Variants in ZNF440 observed in about 807,000 individuals in gnomAD.
ZNF440 encodes zinc finger protein 440.
A neutral mutation model predicts 49.7 loss-of-function variants in ZNF440; 47 were observed. The ratio of observed to expected loss-of-function variants is 0.95; its 90% CI spans 0.75 to 1.21. The LOEUF (loss-of-function observed/expected upper bound fraction) is 1.21, where lower values mean the gene tolerates loss of function less well. Among genes scored for constraint, ZNF440 ranks in the 50% most tolerant of loss-of-function variants. The pLI, the probability that ZNF440 is intolerant of heterozygous loss-of-function variation, is 0.00. For missense variants in ZNF440, 703 were observed against 715.0 expected (o/e 0.98, Z 0.19); for synonymous variants, 255 against 237.7 (o/e 1.07, Z -0.67).
At chr19:11,821,177 G>A (rs1599290375) in intron 1 of ZNF440, among the ~76,000 whole-genome samples, 1 of 152,100 alleles carries the variant, frequency 6.6e-6, no homozygotes, top group African/African-American at 2.4e-5. Flanking sequence ...TCTTGGTCCT[G>A]GGTGGCAGAA....
chr19:11,819,001 A>G (rs886563818), intron 1 of ZNF440, among the ~76,000 whole-genome samples: 2 of 152,124 alleles, frequency 1.3e-5, no homozygotes, highest in African/African-American at 4.8e-5. Flanking sequence ...AAGTTAGTCT[A>G]CTACAGAGAT....
chr19:11,831,506 G>A lies in ZNF440; in HGVS notation c.330G>A (p.Val110=). ...SPEVKSCESF[V]CGEVGLGNSS... is the part of the protein sequence containing the mutation. ...AAGTAAAATCATGTGAAAGCTTTGT[G>A]TGTGGAGAAGTTGGCCTAGGTAACT... is the stretch of plus-strand genomic sequence containing the variant. Residue 110 remains valine (V), a synonymous_variant, in exon 4 of 4, where the codon GTG becomes GTA. Coordinates refer to ENST00000304060, the MANE Select transcript of ZNF440 (RefSeq NM_152357.3). The A allele has an allele frequency of 6.2e-7, 1 of 1,614,024 alleles. No homozygotes were observed. The highest frequency in any genetic ancestry group is 8.5e-7 in the Non-Finnish European group (1 of 1,179,926).
chr19:11,832,025 T>G lies in ZNF440; in HGVS notation c.849T>G (p.Ala283=). 1 of 1,614,064 alleles carries G rather than the reference T, an allele frequency of 6.2e-7. No homozygotes were observed. Among genetic ancestry groups the G allele is most frequent in the South Asian group, 1.1e-5 (1 of 91,082 alleles). ...AAAGGATTCACATGGGAGAAAAGGC[T>G]TATCAATGTAAGGAATGTGGAAAAG... ...RHERIHMGEK[A]YQCKECGKAF... The change falls in exon 4 of 4, where the codon GCT becomes GCG. Residue 283 remains alanine, a synonymous_variant. Coordinates refer to ENST00000304060, the MANE Select transcript of ZNF440 (RefSeq NM_152357.3).
rs867985194 is a variant in ZNF440 at position 11,830,616 on chromosome 19, G to A, written c.131-1G>A. 71 of 1,613,102 alleles carry A rather than the reference G, an allele frequency of 4.4e-5. No homozygotes were observed. The highest frequency in any genetic ancestry group is 5.8e-5 in the Non-Finnish European group (68 of 1,179,806). On this transcript the variant is annotated splice_acceptor_variant, in intron 2 of 3. Transcript: ENST00000304060. LOFTEE classifies it high-confidence loss of function. Reference sequence around the variant, plus strand: ...CTATTTTTTCTGTGTCTGTATTTTAGGAAAAAGGTGGAAAGACCAGAACAT... The same window carrying A: ...CTATTTTTTCTGTGTCTGTATTTTAAGAAAAAGGTGGAAAGACCAGAACAT...
rs1062258 is a variant in ZNF440, at chr19:11,833,585, A to G, written c.*621A>G. On this transcript the variant is annotated 3_prime_UTR_variant, in exon 4 of 4. Transcript: ENST00000304060. ...GGGAGAAACCCTATCAATGTAAGCAATGTGCAAAAGCCTTTATTTCTTCCA... is the reference window on the plus strand; with the variant it reads ...GGGAGAAACCCTATCAATGTAAGCAGTGTGCAAAAGCCTTTATTTCTTCCA... The G allele has an allele frequency of 9.8e-6, 3 of 307,372 alleles. No individual in the cohort carries two copies. The East Asian group carries it at 2.7e-4, about 28-fold the overall frequency. The allele number at this position is 307,372 out of a possible 1,614,324, so 19.0% of individuals were successfully genotyped here. A position where few individuals can be genotyped will look rare whatever the true frequency, so the allele number is the denominator to read the frequency against.
intron 3 of ZNF440, among the ~76,000 whole-genome samples, 192 bp downstream of exon 3, chr19:11,830,869 G>T (rs1975928314): frequency 6.6e-6 from 1 of 152,190 alleles, no homozygotes; most frequent in Non-Finnish European, 1.5e-5. Context: ...AATCCTTTGA[G>T]AAGTGGAGAT....
chr19:11,816,478 T>C (rs1975733695), intron 1 of ZNF440: 1 of 152,342 alleles, frequency 6.6e-6, no homozygotes, highest in South Asian at 2.1e-4. Flanking sequence ...TTTACATGAA[T>C]GTGCGTCAGT....
At chr19:11,817,269 G>C (rs1422969841) in intron 1 of ZNF440, 1 of 152,278 alleles carries the variant, frequency 6.6e-6, no homozygotes, top group East Asian at 1.9e-4. Flanking sequence ...AATTCAAGAC[G>C]AGTCGGAAAG....
At position 11,830,619 on chromosome 19, in the gene ZNF440, A is replaced by T. The variant is rs749804400; in HGVS notation, c.133A>T (p.Lys45Ter). Residue 45 changes from lysine (K) to a stop codon, truncating the protein, a stop_gained and splice_region_variant, in exon 3 of 4, where the codon AAA becomes TAA. Coordinates refer to ENST00000304060, the MANE Select transcript of ZNF440 (RefSeq NM_152357.3). LOFTEE classifies it high-confidence loss of function. ...ETFRNLTSLG[K>*]RWKDQNIEYE... ...TTTTTTCTGTGTCTGTATTTTAGGA[A>T]AAAGGTGGAAAGACCAGAACATTGA... The T allele has an allele frequency of 1.2e-6, 2 of 1,613,682 alleles. No individual in the cohort carries two copies. Among genetic ancestry groups the T allele is most frequent in the East Asian group, 4.5e-5 (2 of 44,864 alleles).
Position 11,831,504 on chromosome 19 carries a change from G to T in ZNF440, c.328G>T (p.Val110Leu), listed in dbSNP as rs1280086346. ...SPEVKSCESF[V>L]CGEVGLGNSS... is the part of the protein sequence containing the mutation. ...TGAAGTAAAATCATGTGAAAGCTTT[G>T]TGTGTGGAGAAGTTGGCCTAGGTAA... The change falls in exon 4 of 4, where the codon GTG becomes TTG. Residue 110 changes from valine to leucine, a missense_variant. By Grantham distance (32) the Val-to-Leu change is conservative. Coordinates refer to ENST00000304060, the MANE Select transcript of ZNF440 (RefSeq NM_152357.3). The T allele has an allele frequency of 2.5e-6, 4 of 1,614,024 alleles. No individual in the cohort carries two copies. The highest frequency in any genetic ancestry group is 3.4e-6 in the Non-Finnish European group (4 of 1,179,920).
intron 1 of ZNF440, among the ~76,000 whole-genome samples, chr19:11,818,716 T>C (rs1285974608): frequency 2.0e-5 from 3 of 152,072 alleles, no homozygotes; most frequent in Non-Finnish European, 4.4e-5. Context: ...AATTTTTTAT[T>C]TTTTACAGAG....
At position 11,830,615 on chromosome 19, in the gene ZNF440, A is replaced by G. The variant is rs1975924513; in HGVS notation, c.131-2A>G. 1.2e-6 allele frequency: 2 copies of G among 1,613,374 alleles called. No homozygotes were observed. Among genetic ancestry groups the G allele is most frequent in the Non-Finnish European group, 1.7e-6 (2 of 1,179,878 alleles). On this transcript the variant is annotated splice_acceptor_variant, in intron 2 of 3. Coordinates refer to ENST00000304060, the MANE Select transcript of ZNF440 (RefSeq NM_152357.3). LOFTEE classifies it high-confidence loss of function. ...ACTATTTTTTCTGTGTCTGTATTTT[A>G]GGAAAAAGGTGGAAAGACCAGAACA...
chr19:11,831,677 T>C lies in ZNF440; in HGVS notation c.501T>C (p.Thr167=), dbSNP rs369098092. ...TTAGAACACAAGAAAGGGATCACAC[T>C]GGAGAGAAACCCAATGCTTGTAAAG... ...PSFRTQERDH[T]GEKPNACKVC... Residue 167 remains threonine, a synonymous_variant, in exon 4 of 4, where the codon ACT becomes ACC. Coordinates refer to ENST00000304060, the MANE Select transcript of ZNF440 (RefSeq NM_152357.3). The C allele has an allele frequency of 5.6e-6, 9 of 1,614,034 alleles. No homozygotes were observed. The African/African-American group carries it at 1.1e-4, about 19-fold the overall frequency.
chr19:11,814,479 G>T (rs773785946), intron 1 of ZNF440, 29 bp downstream of exon 1: 25 of 1,512,096 alleles, frequency 1.7e-5, no homozygotes, highest in Admixed American at 2.1e-5. Context: ...GCGTCCGGGC[G>T]ACTGGGAGAG....
At chr19:11,823,093 C>T (rs1975819055) in intron 1 of ZNF440, among the ~76,000 whole-genome samples, 1 of 152,092 alleles carries the variant, frequency 6.6e-6, no homozygotes, top group Non-Finnish European at 1.5e-5. Context: ...GTTCAGGGAG[C>T]TGGCAGATCT....
chr19:11,817,814 CT>C (rs1380102874), intron 1 of ZNF440: 2 of 152,134 alleles, frequency 1.3e-5, no homozygotes, highest in African/African-American at 4.8e-5. Flanking sequence ...TGAGCTGTGC[CT>C]ACGTGCATGT....
chr19:11,831,607 G>A lies in ZNF440; in HGVS notation c.431G>A (p.Cys144Tyr). 1.9e-6 allele frequency: 3 copies of A among 1,614,176 alleles called. No homozygotes were observed. Among genetic ancestry groups the A allele is most frequent in the Non-Finnish European group, 2.5e-6 (3 of 1,180,018 alleles). The change falls in exon 4 of 4, where the codon TGT becomes TAT. Residue 144 changes from cysteine (C) to tyrosine (Y), a missense_variant. By Grantham distance (194) the Cys-to-Tyr change is radical. Coordinates refer to ENST00000304060, the MANE Select transcript of ZNF440 (RefSeq NM_152357.3). ...TATCAGGAATATGGACCAAAGCCAT[G>A]TAAGTGTCAACAACCTAAAAAAGCC... ...YEYQEYGPKPCKCQQPKKAFR... is the reference protein window; with the variant it reads ...YEYQEYGPKPYKCQQPKKAFR...
chr19:11,821,486 A>G (rs1168760725), intron 1 of ZNF440, among the ~76,000 whole-genome samples: 1 of 151,868 alleles, frequency 6.6e-6, no homozygotes, highest in Non-Finnish European at 1.5e-5. Flanking sequence ...TGTCCTCTGG[A>G]TTGTGTCAAC....
chr19:11,814,450 G>GGT lies in ZNF440; in HGVS notation c.3+8_3+9dup, dbSNP rs774879929. ...CGGAACACCCTGGAAGCCGAGAAAT[G>GGT]GTGTGTGTGAGGGGGCTGGCGTCCG... On this transcript the variant is annotated frameshift_variant and splice_region_variant. Coordinates refer to ENST00000304060, the MANE Select transcript of ZNF440 (RefSeq NM_152357.3). LOFTEE classifies it high-confidence loss of function. 3.2e-6 allele frequency: 5 copies of GGT among 1,551,740 alleles called. No individual in the cohort carries two copies. The South Asian group carries it at 4.7e-5, about 15-fold the overall frequency.
Sources: allele counts gnomAD v4.1 joint callset (sites outside exome capture counted in the v4.1 genomes callset), GRCh38; gene constraint gnomAD v4.1.1; transcripts MANE v1.5; gene names NCBI Gene and HGNC (gene_info 2026-07-23, HGNC 2026-07-21).